RBMS3: variants seen among roughly 807,000 people sequenced by gnomAD.
RBMS3 encodes the protein RNA-binding motif, single-stranded-interacting protein 3.
In RBMS3, 27 loss-of-function variants were observed where a neutral mutation model predicts 66.8. That is an observed-to-expected ratio of 0.40 (90% CI 0.30 to 0.56). The LOEUF (loss-of-function observed/expected upper bound fraction) is 0.56. RBMS3 is among the 20% of genes least tolerant of loss of function. The pLI is 0.40. For synonymous variants in RBMS3, 188 were observed against 183.0 expected, an observed-to-expected ratio of 1.03 and a Z score of -0.22; for missense variants, 513 against 549.5, an observed-to-expected ratio of 0.93 and a Z score of 0.66.
intron 2 of RBMS3, among the ~76,000 whole-genome samples, chr3:29,464,878 C>G (rs1334511995): frequency 6.6e-6 from 1 of 152,150 alleles, no homozygotes; most frequent in Non-Finnish European, 1.5e-5. Flanking sequence ...CATGGCCACT[C>G]TGTATCAATA....
intron 5 of RBMS3, among the ~76,000 whole-genome samples, chr3:29,755,939 T>G (rs1397270999): frequency 2.6e-5 from 4 of 152,152 alleles, no homozygotes; most frequent in African/African-American, 9.7e-5. Context: ...CCTGTATAAA[T>G]TAAGTTAAAT....
intron 2 of RBMS3, among the ~76,000 whole-genome samples, chr3:29,438,516 A>G (rs2041486941): frequency 6.6e-6 from 1 of 152,206 alleles, no homozygotes; most frequent in Non-Finnish European, 1.5e-5. Flanking sequence ...TTCTATTCAC[A>G]TTCATCATCA....
In RBMS3 at chr3:29,626,403, A is replaced by T. The variant is rs188084562; in HGVS notation, c.399+39198A>T. Among the ~76,000 whole-genome samples, 8 of 152,320 alleles carry T rather than the reference A, an allele frequency of 5.3e-5. No homozygotes were observed. In the East Asian group the frequency reaches 1.4e-3, roughly 26 times the overall value. On this transcript the variant is annotated intron_variant, in intron 4 of 14. Transcript: ENST00000383767. ...CTATGAATTTTGGCAAAACGTGATC[A>T]AGCTCTCCTAATTCTGGATATCAAT... is the stretch of plus-strand genomic sequence containing the variant.
chr3:29,932,650 T>A (rs557936045), intron 10 of RBMS3, among the ~76,000 whole-genome samples: 3 of 152,328 alleles, frequency 2.0e-5, no homozygotes, highest in Admixed American at 2.0e-4. Flanking sequence ...GTGCTCTAGA[T>A]GGTAGAGAAG....
intron 3 of RBMS3, among the ~76,000 whole-genome samples, chr3:29,523,099 A>C (rs2044931061): frequency 6.6e-6 from 1 of 152,132 alleles, no homozygotes; most frequent in Non-Finnish European, 1.5e-5. Flanking sequence ...ACTGAAGCAC[A>C]GTAACATTTT....
At chr3:29,417,360 A>G (rs2040520943) in intron 1 of RBMS3, among the ~76,000 whole-genome samples, 3 of 152,084 alleles carry the variant, frequency 2.0e-5, no homozygotes, top group African/African-American at 7.2e-5. Context: ...CTTAATTTTC[A>G]TAATCAAGTA....
intron 1 of RBMS3, among the ~76,000 whole-genome samples, chr3:29,431,301 CTT>C (rs548031550): frequency 1.5e-5 from 2 of 132,386 alleles, no homozygotes; most frequent in East Asian, 2.2e-4. Flanking sequence ...TTTTCCTTTT[CTT>C]TTTTTTTTTT....
chr3:29,825,859 T>G (rs1376884698), intron 6 of RBMS3, among the ~76,000 whole-genome samples: 1 of 152,210 alleles, frequency 6.6e-6, no homozygotes, highest in Non-Finnish European at 1.5e-5. Flanking sequence ...AACTAATTAT[T>G]AATGATATTA....
At chr3:29,744,108 AT>A (rs2054766331) in intron 5 of RBMS3, among the ~76,000 whole-genome samples, 1 of 151,564 alleles carries the variant, frequency 6.6e-6, no homozygotes, top group African/African-American at 2.4e-5. Context: ...GTTGTCTGTG[AT>A]TTTTCCAGGT....
intron 1 of RBMS3, among the ~76,000 whole-genome samples, chr3:29,334,218 A>G (rs1019239327): frequency 1.3e-5 from 2 of 152,166 alleles, no homozygotes; most frequent in African/African-American, 4.8e-5. Flanking sequence ...TTTATTATAC[A>G]TCATTACTAT....
chr3:29,428,858 C>T (rs2041068743), intron 1 of RBMS3, among the ~76,000 whole-genome samples: 1 of 152,172 alleles, frequency 6.6e-6, no homozygotes, highest in African/African-American at 2.4e-5. Flanking sequence ...GTCACTTCCC[C>T]TTTGAAATTA....
chr3:29,892,843 G>GTATGTATGTATGTATTTATT (rs1336972891), intron 8 of RBMS3, among the ~76,000 whole-genome samples: 129 of 137,522 alleles, frequency 9.4e-4, no homozygotes, highest in Middle Eastern at 3.7e-3. Flanking sequence ...ATGTATGTAT[G>GTATGTATGTATGTATTTATT]TATTTATTTA....
chr3:29,801,027 C>CG (rs2057372197), intron 6 of RBMS3, among the ~76,000 whole-genome samples: 2 of 143,024 alleles, frequency 1.4e-5, no homozygotes, highest in African/African-American at 5.1e-5. Context: ...ACACACACAC[C>CG]TGTAAACGGA....
At chr3:29,388,078 C>T (rs960299194) in intron 1 of RBMS3, among the ~76,000 whole-genome samples, 1 of 106,018 alleles carries the variant, frequency 9.4e-6, no homozygotes, top group Non-Finnish European at 1.8e-5. Flanking sequence ...TGTCTACACA[C>T]ACACAGACAC....
intron 4 of RBMS3, among the ~76,000 whole-genome samples, chr3:29,680,288 G>A (rs2051432415): frequency 6.6e-6 from 1 of 152,208 alleles, no homozygotes; most frequent in Admixed American, 6.5e-5. Flanking sequence ...TTTGAGTGAT[G>A]TTTTGCCTAA....
chr3:29,653,581 G>A (rs891079429), intron 4 of RBMS3, among the ~76,000 whole-genome samples: 1 of 152,056 alleles, frequency 6.6e-6, no homozygotes, highest in African/African-American at 2.4e-5. Context: ...GTATTTATGG[G>A]CTTCTAGGTG....
At chr3:29,296,774 C>A (rs1236064696) in intron 1 of RBMS3, among the ~76,000 whole-genome samples, 1 of 151,668 alleles carries the variant, frequency 6.6e-6, no homozygotes, top group Non-Finnish European at 1.5e-5. Flanking sequence ...TTTACATAGT[C>A]ATATTTCACA....
chr3:29,394,500 A>G (rs147043318), intron 1 of RBMS3, among the ~76,000 whole-genome samples: 13 of 152,322 alleles, frequency 8.5e-5, no homozygotes, highest in African/African-American at 2.9e-4. Flanking sequence ...CAGGCATAGG[A>G]AGTTATAAGA....
chr3:29,756,313 G>A (rs1299726868), intron 5 of RBMS3, among the ~76,000 whole-genome samples: 2 of 152,100 alleles, frequency 1.3e-5, no homozygotes, highest in Non-Finnish European at 2.9e-5. Flanking sequence ...CAAATGGAGT[G>A]CCCAGGTGTA....
Sources: allele counts gnomAD v4.1 joint callset (sites outside exome capture counted in the v4.1 genomes callset), GRCh38; gene constraint gnomAD v4.1.1; transcripts MANE v1.5; gene names NCBI Gene and HGNC (gene_info 2026-07-23, HGNC 2026-07-21).